SLAIN2: variants seen among roughly 807,000 people sequenced by gnomAD.
The protein encoded by SLAIN2 is SLAIN family member 2, also known as SLAIN motif-containing protein 2.
Under a neutral mutation model 56.6 loss-of-function variants are expected in SLAIN2, and 31 were observed. The ratio of observed to expected loss-of-function variants is 0.55; its 90% CI spans 0.41 to 0.74. SLAIN2 has a LOEUF of 0.74. Among genes scored for constraint, SLAIN2 ranks in the 30% least tolerant of loss-of-function variants. The pLI, the probability that SLAIN2 is intolerant of heterozygous loss-of-function variation, is 0.00. For synonymous variants in SLAIN2, 317 were observed against 284.9 expected, an observed-to-expected ratio of 1.11 and a Z score of -1.13; for missense variants, 777 against 754.2, an observed-to-expected ratio of 1.03 and a Z score of -0.35.
chr4:48,383,209 A>G (rs557942679), intron 5 of SLAIN2, among the ~76,000 whole-genome samples: 1 of 151,878 alleles, frequency 6.6e-6, no homozygotes, highest in Non-Finnish European at 1.5e-5. Flanking sequence ...TTAAAAAAAG[A>G]GAAAAAGTGT....
intron 6 of SLAIN2, chr4:48,394,690 A>C (rs1279309364): frequency 6.6e-7 from 1 of 1,508,066 alleles, no homozygotes; most frequent in African/African-American, 1.4e-5. Context: ...AAATTTCAGC[A>C]AATGATCTAG....
At chr4:48,410,980 C>T (rs6836010) in intron 6 of SLAIN2, among the ~76,000 whole-genome samples, 80,463 of 152,012 alleles carry the variant, frequency 0.53, 22,373 homozygotes, top group South Asian at 0.69. Context: ...CCTCCTCTTC[C>T]CTTCCCTCTT....
intron 6 of SLAIN2, among the ~76,000 whole-genome samples, chr4:48,406,749 T>C (rs1716708779): frequency 6.6e-6 from 1 of 152,100 alleles, no homozygotes; most frequent in Non-Finnish European, 1.5e-5. Context: ...GTATTCATTC[T>C]TTCAATTTTT....
chr4:48,374,858 A>G (rs142955507), intron 2 of SLAIN2, among the ~76,000 whole-genome samples: 1 of 152,180 alleles, frequency 6.6e-6, no homozygotes, highest in Non-Finnish European at 1.5e-5. Flanking sequence ...CTGCGACAAG[A>G]TGAATATTGG....
intron 1 of SLAIN2, among the ~76,000 whole-genome samples, chr4:48,343,224 G>A (rs934081498): frequency 6.6e-6 from 1 of 152,206 alleles, no homozygotes; most frequent in Non-Finnish European, 1.5e-5. Flanking sequence ...CTTACTAGCA[G>A]TATGACCTTG....
At chr4:48,383,892 T>A in intron 6 of SLAIN2, 108 bp downstream of exon 6, 1 of 1,213,780 alleles carries the variant, frequency 8.2e-7, no homozygotes, top group Non-Finnish European at 1.1e-6. Context: ...AAAACCGTTT[T>A]AAACCATAGC....
At chr4:48,393,130 C>T (rs1198214358) in intron 6 of SLAIN2, among the ~76,000 whole-genome samples, 2 of 151,814 alleles carry the variant, frequency 1.3e-5, no homozygotes, top group East Asian at 1.9e-4. Flanking sequence ...TCCAGCACTT[C>T]GGGATGCCAA....
chr4:48,418,770 C>G (rs564588799), intron 6 of SLAIN2, among the ~76,000 whole-genome samples: 5 of 152,268 alleles, frequency 3.3e-5, no homozygotes, highest in African/African-American at 9.6e-5. Context: ...CTCCCAACCT[C>G]CAACAAACAT....
intron 6 of SLAIN2, among the ~76,000 whole-genome samples, chr4:48,419,323 C>T (rs1299590032): frequency 6.6e-5 from 10 of 152,088 alleles, no homozygotes; most frequent in Non-Finnish European, 1.0e-4. Context: ...AGGCAGGTCC[C>T]GAACTCCTGA....
intron 6 of SLAIN2, among the ~76,000 whole-genome samples, chr4:48,390,409 T>C (rs1167126564): frequency 6.6e-6 from 1 of 152,162 alleles, no homozygotes; most frequent in African/African-American, 2.4e-5. Context: ...GACAATGGGG[T>C]ATTTTACCTA....
At chr4:48,371,991 C>T (rs936185205) in intron 2 of SLAIN2, among the ~76,000 whole-genome samples, 7 of 142,940 alleles carry the variant, frequency 4.9e-5, no homozygotes, top group South Asian at 2.2e-4. Flanking sequence ...CACACACACG[C>T]GCGCACACAC....
chr4:48,414,568 T>G (rs1192177138), intron 6 of SLAIN2, among the ~76,000 whole-genome samples: 1 of 143,238 alleles, frequency 7.0e-6, no homozygotes. Context: ...TTTTTTTTTT[T>G]TTATTATACT....
intron 1 of SLAIN2, among the ~76,000 whole-genome samples, chr4:48,352,828 T>C (rs1357038310): frequency 6.6e-6 from 1 of 152,206 alleles, no homozygotes; most frequent in Non-Finnish European, 1.5e-5. Context: ...CCCACCCAAA[T>C]CTCATCTTGA....
chr4:48,350,231 C>T (rs1252579105), intron 1 of SLAIN2, among the ~76,000 whole-genome samples: 6 of 152,194 alleles, frequency 3.9e-5, no homozygotes, highest in Non-Finnish European at 1.5e-5. Context: ...TACTGCTCCT[C>T]AGTCCCCATC....
intron 6 of SLAIN2, among the ~76,000 whole-genome samples, chr4:48,386,397 A>T (rs1483947227): frequency 6.6e-6 from 1 of 152,228 alleles, no homozygotes. Context: ...CATCTTGAGC[A>T]CTGGATCTCA....
intron 1 of SLAIN2, among the ~76,000 whole-genome samples, chr4:48,364,281 G>A (rs1429528177): frequency 5.0e-5 from 5 of 99,218 alleles, no homozygotes; most frequent in Admixed American, 1.9e-4. Context: ...GACGATGGGC[G>A]GCGGGGCAGA....
chr4:48,425,946 A>G lies in SLAIN2; in HGVS notation c.*3869A>G, dbSNP rs988616523. 5 of 152,208 alleles carry G rather than the reference A, an allele frequency of 3.3e-5. No individual in the cohort carries two copies. Among genetic ancestry groups the G allele is most frequent in the Non-Finnish European group, 7.3e-5 (5 of 68,032 alleles). The allele number at this position is 152,208 out of a possible 1,614,324, so 9.4% of individuals were successfully genotyped here. A position where few individuals can be genotyped will look rare whatever the true frequency, so the allele number is the denominator to read the frequency against. ...AAATTATCTACATTAAGTCATCTTA[A>G]TGTTTTCTCTTTAAAAGAAATAAAA... On this transcript the variant is annotated 3_prime_UTR_variant, in exon 8 of 8. Coordinates refer to ENST00000264313, the MANE Select transcript of SLAIN2 (RefSeq NM_020846.2).
At chr4:48,370,249 TATG>T (rs1715628656) in intron 2 of SLAIN2, among the ~76,000 whole-genome samples, 1 of 152,240 alleles carries the variant, frequency 6.6e-6, no homozygotes, top group Non-Finnish European at 1.5e-5. Flanking sequence ...ATGAATTTCG[TATG>T]ATAAGCTTTT....
In SLAIN2 at chr4:48,386,844, G is replaced by A. The variant is rs568840299; in HGVS notation, c.1360+3060G>A. 1.9e-4 allele frequency among the ~76,000 whole-genome samples: 29 copies of A among 151,798 alleles called. 1 individual carries two copies. The highest frequency in any genetic ancestry group is 6.8e-4 in the African/African-American group (28 of 41,458). On this transcript the variant is annotated intron_variant, in intron 6 of 7. Coordinates refer to ENST00000264313, the MANE Select transcript of SLAIN2 (RefSeq NM_020846.2). ...CTTTTTTCCCCTGACACATTTGGCT[G>A]ATGCAAAAAAAACCACCCACAATGT...
Sources: allele counts gnomAD v4.1 joint callset (sites outside exome capture counted in the v4.1 genomes callset), GRCh38; gene constraint gnomAD v4.1.1; transcripts MANE v1.5; gene names NCBI Gene and HGNC (gene_info 2026-07-23, HGNC 2026-07-21).